DLX5: variants seen among roughly 807,000 people sequenced by gnomAD.
The protein encoded by DLX5 is distal-less homeobox 5.
DLX5 carries 8 observed loss-of-function variants against 27.1 expected under a neutral mutation model. The observed-to-expected ratio is 0.30, with a 90% CI of 0.17 to 0.53. The LOEUF is 0.53. Among genes scored for constraint, DLX5 ranks in the 20% least tolerant of loss-of-function variants. The probability of loss-of-function intolerance (pLI) is 0.95; values close to 1 mark genes in which losing one functional copy is unlikely to be tolerated. For missense variants in DLX5, 339 were observed against 375.1 expected (o/e 0.90, Z 0.80); for synonymous variants, 178 against 161.9 (o/e 1.10, Z -0.75).
chr7:97,024,301 T>C lies in DLX5; in HGVS notation c.323A>G (p.Tyr108Cys), dbSNP rs371127948. 6.1e-5 allele frequency: 98 copies of C among 1,613,930 alleles called. No individual in the cohort carries two copies. The highest frequency in any genetic ancestry group is 7.9e-5 in the Non-Finnish European group (93 of 1,179,916). The change falls in exon 1 of 3, where the codon TAC (tyrosine) becomes TGC (cysteine). Residue 108 changes from tyrosine to cysteine, a missense_variant. Tyr to Cys is a radical substitution (Grantham distance 194, BLOSUM62 -2). Coordinates refer to ENST00000648378, the MANE Select transcript of DLX5 (RefSeq NM_005221.6). This position sits in a 1 kb window ranked among gnomAD's most constrained non-coding sequence, Gnocchi z 4.6. The part of the protein sequence containing the change: ...ASSYHQYGGA[Y>C]NRVPSATNQP... ...GTTGGTGGCGCTTGGGACGCGGTTG[T>C]AGGCGCCGCCGTACTGGTGGTAGGA...
chr7:97,023,687 CT>C (rs1197638832), intron 1 of DLX5, among the ~76,000 whole-genome samples: 1 of 152,056 alleles, frequency 6.6e-6, no homozygotes, highest in Non-Finnish European at 1.5e-5. Context: ...CTTTAAATGG[CT>C]TTTTGTTTTT....
chr7:97,023,592 G>T (rs992215304), intron 1 of DLX5, among the ~76,000 whole-genome samples: 3 of 151,968 alleles, frequency 2.0e-5, no homozygotes, highest in Admixed American at 2.0e-4. Context: ...CGAAAAAGGA[G>T]GACGGAAAGA....
At chr7:97,022,512 C>A in intron 1 of DLX5, 143 bp from the exon 2 acceptor site, 1 of 1,480,754 alleles carries the variant, frequency 6.8e-7, no homozygotes, top group Non-Finnish European at 8.9e-7. Context: ...CTTTTCAGGA[C>A]CGCGATAAAT....
At position 97,020,967 on chromosome 7, in the gene DLX5, C is replaced by T; in HGVS notation, c.639G>A (p.Met213Ile). 1 of 1,613,916 alleles carries T rather than the reference C, an allele frequency of 6.2e-7. No homozygotes were observed. Among genetic ancestry groups the T allele is most frequent in the Non-Finnish European group, 8.5e-7 (1 of 1,180,042 alleles). ...CTGGAGACTGCGGCGAGTTACACGC[C>T]ATTGGGTCGCTGGAGCTGGGACTGT... ...PEHSPSSSDP[M>I]ACNSPQSPAV... The change falls in exon 3 of 3, where the codon ATG becomes ATA. Residue 213 changes from methionine to isoleucine, a missense_variant. Met to Ile is a conservative substitution (Grantham distance 10). This residue lies in a region of DLX5 where 136 missense variants were observed against 130.3 expected (regional missense o/e 1.04). Transcript: ENST00000648378.
Position 97,024,579 on chromosome 7 carries a change from G to T in DLX5, c.45C>A (p.Gly15=). ...FDRRVPSIRS[G]DFQAPFQTSA... ...ACGTCTGGAACGGAGCTTGGAAGTC[G>T]CCGGATCGGATGCTGGGGACCCTTC... Residue 15 remains glycine, a synonymous_variant, in exon 1 of 3, where the codon GGC becomes GGA. Coordinates refer to ENST00000648378, the MANE Select transcript of DLX5 (RefSeq NM_005221.6). This position sits in a 1 kb window ranked among gnomAD's most constrained non-coding sequence, Gnocchi z 4.6. 1.2e-6 allele frequency: 2 copies of T among 1,607,622 alleles called. No individual in the cohort carries two copies. Among genetic ancestry groups the T allele is most frequent in the Non-Finnish European group, 1.7e-6 (2 of 1,174,708 alleles).
Position 97,024,768 on chromosome 7 carries a change from C to T in DLX5, c.-145G>A. 4 of 689,952 alleles carry T rather than the reference C, an allele frequency of 5.8e-6. No individual in the cohort carries two copies. Among genetic ancestry groups the T allele is most frequent in the East Asian group, 2.7e-5 (1 of 36,948 alleles). 42.7% of individuals were successfully genotyped at this position (689,952 alleles called of 1,614,324 possible). A position where few individuals can be genotyped will look rare whatever the true frequency, so the allele number is the denominator to read the frequency against. On this transcript the variant is annotated 5_prime_UTR_variant, in exon 1 of 3. Transcript: ENST00000648378. This position sits in a 1 kb window ranked among gnomAD's most constrained non-coding sequence, Gnocchi z 4.6. The stretch of plus-strand genomic sequence containing the variant: ...AGAGGAGGAGGAGAGAAGGAGGAGG[C>T]GGCGGCCGCGGCGAGGAGGAGACTG...
In DLX5 at chr7:97,023,039, A is replaced by G. The variant is rs571532941; in HGVS notation, c.356-670T>C. ...TGTTCTTGGCAAAAAAAAAAAAAAAAAAAAGAAATCTTCCACTTATGCACG... is the reference window on the plus strand; with the variant it reads ...TGTTCTTGGCAAAAAAAAAAAAAAAGAAAAGAAATCTTCCACTTATGCACG... On this transcript the variant is annotated intron_variant, in intron 1 of 2. Transcript: ENST00000648378. Among the ~76,000 whole-genome samples the G allele has an allele frequency of 5.1e-3, 758 of 147,948 alleles. 10 individuals are homozygous for G. Among genetic ancestry groups the G allele is most frequent in the African/African-American group, 0.019 (720 of 38,700 alleles).
intron 1 of DLX5, among the ~76,000 whole-genome samples, chr7:97,023,339 T>TGTGTGTGTGTGG (rs2115915366): frequency 1.0e-4 from 2 of 19,232 alleles, no homozygotes; most frequent in South Asian, 3.0e-3. Context: ...CTCTCCAGGG[T>TGTGTGTGTGTGG]GTGTGTGTGT....
chr7:97,020,795 G>C lies in DLX5; in HGVS notation c.811C>G (p.Leu271Val). ...TSAASSINSH[L>V]PPPGSLQHPL... is the part of the protein sequence containing the mutation. The stretch of plus-strand genomic sequence containing the variant: ...TGCTGTAAGGAGCCCGGCGGCGGCA[G>C]GTGGGAATTGATTGAGCTGGCTGCA... Residue 271 changes from leucine to valine, a missense_variant, in exon 3 of 3, where the codon CTG (leucine) becomes GTG (valine). Transcript: ENST00000648378. 1 of 1,612,304 alleles carries C rather than the reference G, an allele frequency of 6.2e-7. No individual in the cohort carries two copies. The highest frequency in any genetic ancestry group is 8.5e-7 in the Non-Finnish European group (1 of 1,178,500).
chr7:97,020,886 G>T lies in DLX5; in HGVS notation c.720C>A (p.His240Gln). 1 of 1,614,212 alleles carries T rather than the reference G, an allele frequency of 6.2e-7. No individual in the cohort carries two copies. Among genetic ancestry groups the T allele is most frequent in the Non-Finnish European group, 8.5e-7 (1 of 1,180,038 alleles). ...SRSLSHHPHAHPPTSNQSPAS... is the reference protein window; with the variant it reads ...SRSLSHHPHAQPPTSNQSPAS... ...CTGGGGACTGGTTGGAGGTCGGAGG[G>T]TGGGCATGAGGGTGGTGGCTGAGCG... The change falls in exon 3 of 3, where the codon CAC (histidine) becomes CAA (glutamine). Residue 240 changes from histidine (H) to glutamine (Q), a missense_variant. His to Gln is a conservative substitution (Grantham distance 24). This residue lies in a region of DLX5 where 136 missense variants were observed against 130.3 expected (regional missense o/e 1.04). Coordinates refer to ENST00000648378, the MANE Select transcript of DLX5 (RefSeq NM_005221.6).
intron 1 of DLX5, among the ~76,000 whole-genome samples, chr7:97,023,577 G>A (rs1162689430): frequency 6.6e-6 from 1 of 151,966 alleles, no homozygotes; most frequent in Non-Finnish European, 1.5e-5. Flanking sequence ...AAGTTTCAAA[G>A]CGGACGAAAA....
chr7:97,023,763 AC>A (rs1246805261), intron 1 of DLX5, among the ~76,000 whole-genome samples: 8 of 148,368 alleles, frequency 5.4e-5, no homozygotes, highest in East Asian at 4.0e-4. Context: ...CAACTCCTTA[AC>A]CCCCCCACCC....
rs867316494 is a variant in DLX5, at chr7:97,020,872, T to C, written c.734A>G (p.Asn245Ser). The stretch of plus-strand genomic sequence containing the variant: ...CAGGTAGCTGGACGCTGGGGACTGG[T>C]TGGAGGTCGGAGGGTGGGCATGAGG... Reference protein sequence around the residue: ...HHPHAHPPTSNQSPASSYLEN... With the variant: ...HHPHAHPPTSSQSPASSYLEN... The change falls in exon 3 of 3, where the codon AAC becomes AGC. Residue 245 changes from asparagine to serine, a missense_variant. Around this residue, in one of 3 missense-constraint regions of DLX5, gnomAD observed 136 missense variants for 130.3 expected, o/e 1.04. Coordinates refer to ENST00000648378, the MANE Select transcript of DLX5 (RefSeq NM_005221.6). 4 of 1,613,948 alleles carry C rather than the reference T, an allele frequency of 2.5e-6. No individual in the cohort carries two copies. Among genetic ancestry groups the C allele is most frequent in the South Asian group, 1.1e-5 (1 of 91,062 alleles).
chr7:97,024,796 A>T lies in DLX5; in HGVS notation c.-173T>A, dbSNP rs537210604. ...CGGCCGCGGCGAGGAGGAGACTGGG[A>T]GTCGTGAAGTCTCTGTCTCCGGCCG... is the stretch of plus-strand genomic sequence containing the variant. On this transcript the variant is annotated 5_prime_UTR_variant, in exon 1 of 3. Coordinates refer to ENST00000648378, the MANE Select transcript of DLX5 (RefSeq NM_005221.6). The surrounding 1 kb of genome is among the most constrained non-coding windows in gnomAD (Gnocchi z 4.6). The T allele has an allele frequency of 1.7e-5, 10 of 605,670 alleles. No individual in the cohort carries two copies. The Admixed American group carries it at 2.7e-4, about 16-fold the overall frequency. The allele number at this position is 605,670 out of a possible 1,614,324, so 37.5% of individuals were successfully genotyped here.
Position 97,020,956 on chromosome 7 carries a change from G to A in DLX5, c.650C>T (p.Ser217Leu). The A allele has an allele frequency of 6.2e-7, 1 of 1,613,992 alleles. No homozygotes were observed. Among genetic ancestry groups the A allele is most frequent in the Non-Finnish European group, 8.5e-7 (1 of 1,180,056 alleles). Residue 217 changes from serine to leucine, a missense_variant, in exon 3 of 3, where the codon TCG (serine) becomes TTG (leucine). Physicochemically the swap from Ser to Leu is moderately radical, Grantham distance 145. Around this residue, in one of 3 missense-constraint regions of DLX5, gnomAD observed 136 missense variants for 130.3 expected, o/e 1.04. Coordinates refer to ENST00000648378, the MANE Select transcript of DLX5 (RefSeq NM_005221.6). Reference sequence around the variant, plus strand: ...CTCCCACACCGCTGGAGACTGCGGCGAGTTACACGCCATTGGGTCGCTGGA... The same window carrying A: ...CTCCCACACCGCTGGAGACTGCGGCAAGTTACACGCCATTGGGTCGCTGGA... ...PSSSDPMACN[S>L]PQSPAVWEPQ... is the part of the protein sequence containing the mutation.
rs945147912 is a variant in DLX5 at position 97,024,028 on chromosome 7, G to A, written c.355+241C>T. Among the ~76,000 whole-genome samples, 2 of 152,186 alleles carry A rather than the reference G, an allele frequency of 1.3e-5. No individual in the cohort carries two copies. The highest frequency in any genetic ancestry group is 2.9e-5 in the Non-Finnish European group (2 of 68,044). On this transcript the variant is annotated intron_variant, in intron 1 of 2. Transcript: ENST00000648378. This position sits in a 1 kb window ranked among gnomAD's most constrained non-coding sequence, Gnocchi z 4.6. Reference sequence around the variant, plus strand: ...AAGCTGGGAATTCAGCGACTGAAGGGCCTTGGAAGGTGCCGGAGGGGAGAG... The same window carrying A: ...AAGCTGGGAATTCAGCGACTGAAGGACCTTGGAAGGTGCCGGAGGGGAGAG...
rs559321216 is a variant in DLX5, at chr7:97,023,862, A to C, written c.355+407T>G. ...GACTGAGTTTTTGAGGCAGCCTTCT[A>C]TTCCCACTCGCACCAACCCAGCACG... On this transcript the variant is annotated intron_variant, in intron 1 of 2. Coordinates refer to ENST00000648378, the MANE Select transcript of DLX5 (RefSeq NM_005221.6). Among the ~76,000 whole-genome samples the C allele has an allele frequency of 6.2e-4, 88 of 141,500 alleles. 2 individuals carry two copies. The South Asian group carries it at 0.019, about 30-fold the overall frequency. 92.8% of individuals were successfully genotyped at this position (141,500 alleles called of 152,430 possible). A position where few individuals can be genotyped will look rare whatever the true frequency, so the allele number is the denominator to read the frequency against.
intron 2 of DLX5, 41 bp from the exon 3 acceptor site, chr7:97,021,106 G>C: frequency 6.5e-7 from 1 of 1,546,578 alleles, no homozygotes. Context: ...GGGACACTCA[G>C]AGGTCGCCCG....
Position 97,024,145 on chromosome 7 carries a change from C to T in DLX5, c.355+124G>A. 2.3e-6 allele frequency: 2 copies of T among 866,188 alleles called. No homozygotes were observed. Among genetic ancestry groups the T allele is most frequent in the Non-Finnish European group, 3.5e-6 (2 of 573,264 alleles). 53.7% of individuals were successfully genotyped at this position (866,188 alleles called of 1,614,324 possible). A position where few individuals can be genotyped will look rare whatever the true frequency, so the allele number is the denominator to read the frequency against. The stretch of plus-strand genomic sequence containing the variant: ...TCTTTGTTGGAGGGTCTGAGTCCTA[C>T]TCCCTTCTGCCGCGTGCGCCCCCAC... On this transcript the variant is annotated intron_variant, in intron 1 of 2. Coordinates refer to ENST00000648378, the MANE Select transcript of DLX5 (RefSeq NM_005221.6). The surrounding 1 kb of genome is among the most constrained non-coding windows in gnomAD (Gnocchi z 4.6).
Sources: allele counts gnomAD v4.1 joint callset (sites outside exome capture counted in the v4.1 genomes callset), GRCh38; gene constraint gnomAD v4.1.1; regional missense constraint gnomAD v4.1.1; non-coding constraint Gnocchi (gnomAD v3.1); transcripts MANE v1.5; gene names NCBI Gene and HGNC (gene_info 2026-07-23, HGNC 2026-07-21).